Variants in FBN2 observed in about 807,000 individuals in gnomAD.
The protein encoded by FBN2 is fibrillin 2, also known as fibrillin-2.
A neutral mutation model predicts 355.6 loss-of-function variants in FBN2; 105 were observed. That is an observed-to-expected ratio of 0.30 (90% CI 0.25 to 0.35). The LOEUF (loss-of-function observed/expected upper bound fraction) is 0.35, where lower values mean the gene tolerates loss of function less well. Ranked by LOEUF, FBN2 falls within the 10% of genes least tolerant of loss-of-function variation. The pLI is 1.00. For synonymous variants in FBN2, 1,350 were observed against 1,301.2 expected (o/e 1.04, Z -0.81); for missense variants, 3,280 against 3,758.7 (o/e 0.87, Z 3.33).
intron 7 of FBN2, chr5:128,445,936 T>G (rs1288167300): frequency 2.0e-5 from 3 of 152,852 alleles, no homozygotes; most frequent in East Asian, 3.8e-4. Flanking sequence ...TTAGGTTTTT[T>G]GATATCTTTA....
intron 20 of FBN2, among the ~76,000 whole-genome samples, chr5:128,356,584 T>C (rs967245106): frequency 6.6e-6 from 1 of 152,236 alleles, no homozygotes. Context: ...AGGCTAGAAG[T>C]AGGGAAAAAT....
intron 63 of FBN2, 48 bp downstream of exon 63, chr5:128,263,377 T>C: frequency 1.4e-6 from 2 of 1,443,666 alleles, no homozygotes; most frequent in South Asian, 2.3e-5. Context: ...CTGAACTCAC[T>C]CAGGAACCAT....
chr5:128,444,076 T>G (rs1753999177), intron 7 of FBN2, among the ~76,000 whole-genome samples: 1 of 131,294 alleles, frequency 7.6e-6, no homozygotes, highest in Admixed American at 7.5e-5. Flanking sequence ...TTTTTTTTTT[T>G]TTTTTTTGAG....
At position 128,261,600 on chromosome 5, in the gene FBN2, T is replaced by C. The variant is rs143805340; in HGVS notation, c.8364+136A>G. The C allele has an allele frequency of 6.7e-4, 531 of 795,926 alleles. 4 individuals are homozygous for C. The African/African-American group carries it at 7.7e-3, about 11-fold the overall frequency. 49.3% of individuals were successfully genotyped at this position (795,926 alleles called of 1,614,324 possible). On this transcript the variant is annotated intron_variant, in intron 64 of 64. Transcript: ENST00000262464. ...CACTTTAATTTACTTGTCTTTTCCA[T>C]ACTGGGTCCATTAATTTATCCATTA...
At chr5:128,307,501 T>C (rs774445389) in intron 41 of FBN2, among the ~76,000 whole-genome samples, 1 of 152,068 alleles carries the variant, frequency 6.6e-6, no homozygotes, top group Non-Finnish European at 1.5e-5. Flanking sequence ...AAATACTTTT[T>C]CTTTTAATAT....
At chr5:128,404,868 G>A (rs753869432) in intron 8 of FBN2, among the ~76,000 whole-genome samples, 5 of 152,266 alleles carry the variant, frequency 3.3e-5, no homozygotes, top group South Asian at 2.1e-4. Context: ...TAGGTGAAAC[G>A]GCTACAAAGA....
intron 27 of FBN2, 51 bp from the exon 28 acceptor site, chr5:128,336,164 G>A (rs2126898850): frequency 6.3e-7 from 1 of 1,595,310 alleles, no homozygotes; most frequent in Middle Eastern, 1.7e-4. Flanking sequence ...ACTCACTAAA[G>A]CCATCAGAAA....
intron 7 of FBN2, among the ~76,000 whole-genome samples, chr5:128,423,377 A>G (rs1011775206): frequency 5.3e-5 from 8 of 152,114 alleles, no homozygotes; most frequent in Non-Finnish European, 2.9e-5. Context: ...ACAAAGGAGG[A>G]GCAAAGTCAC....
chr5:128,278,952 AGC>A, intron 56 of FBN2, 111 bp from the exon 57 acceptor site: 6 of 838,066 alleles, frequency 7.2e-6, no homozygotes, highest in South Asian at 1.4e-5. Context: ...TAATTAAGAC[AGC>A]TTAATGTCTT....
At chr5:128,308,256 T>C (rs1338985369) in intron 41 of FBN2, among the ~76,000 whole-genome samples, 2 of 152,152 alleles carry the variant, frequency 1.3e-5, no homozygotes, top group Non-Finnish European at 2.9e-5. Context: ...GCCATTTTAA[T>C]TCCCCAAATC....
intron 5 of FBN2, among the ~76,000 whole-genome samples, chr5:128,514,455 T>C (rs553422900): frequency 6.6e-6 from 1 of 152,194 alleles, no homozygotes; most frequent in South Asian, 2.1e-4. Flanking sequence ...ATGACTAGTT[T>C]TTCAATAATT....
At chr5:128,378,656 G>GT in intron 12 of FBN2, 115 bp downstream of exon 12, 1 of 1,127,924 alleles carries the variant, frequency 8.9e-7, no homozygotes, top group Non-Finnish European at 1.3e-6. Context: ...AAATAAATCT[G>GT]TAATAATGTA....
intron 34 of FBN2, among the ~76,000 whole-genome samples, chr5:128,320,677 C>A (rs1750344341): frequency 6.6e-6 from 1 of 152,048 alleles, no homozygotes; most frequent in Admixed American, 6.6e-5. Context: ...AACAATTACT[C>A]AAAAATGTTT....
At chr5:128,371,456 CTCCT>C (rs58112302) in intron 15 of FBN2, among the ~76,000 whole-genome samples, 33,254 of 146,782 alleles carry the variant, frequency 0.23, 4,381 homozygotes, top group African/African-American at 0.35. Context: ...TTCTCTTTTT[CTCCT>C]TCCTTCCTTC....
At chr5:128,374,992 T>C (rs1274505140) in intron 14 of FBN2, among the ~76,000 whole-genome samples, 1 of 152,192 alleles carries the variant, frequency 6.6e-6, no homozygotes, top group East Asian at 1.9e-4. Context: ...CATTATTTAT[T>C]TGACAATCCC....
chr5:128,513,510 C>G (rs1756189781), intron 5 of FBN2, among the ~76,000 whole-genome samples: 1 of 152,106 alleles, frequency 6.6e-6, no homozygotes, highest in East Asian at 1.9e-4. Context: ...GTAGATAAAC[C>G]AAAATCAAAG....
intron 55 of FBN2, among the ~76,000 whole-genome samples, chr5:128,285,915 G>C (rs1749134636): frequency 6.6e-6 from 1 of 152,110 alleles, no homozygotes; most frequent in Non-Finnish European, 1.5e-5. Flanking sequence ...TACATACATT[G>C]TTTTCATTCA....
intron 16 of FBN2, among the ~76,000 whole-genome samples, chr5:128,367,790 T>C (rs1751812002): frequency 1.3e-5 from 2 of 152,160 alleles, no homozygotes; most frequent in African/African-American, 2.4e-5. Context: ...TCTAGTCTTA[T>C]GCCAATTTTT....
intron 62 of FBN2, among the ~76,000 whole-genome samples, chr5:128,265,793 T>C (rs1765101007): frequency 6.6e-6 from 1 of 152,250 alleles, no homozygotes; most frequent in South Asian, 2.1e-4. Flanking sequence ...ACTGAAAGCT[T>C]TTTTCAATAT....
Sources: allele counts gnomAD v4.1 joint callset (sites outside exome capture counted in the v4.1 genomes callset), GRCh38; gene constraint gnomAD v4.1.1; transcripts MANE v1.5; gene names NCBI Gene and HGNC (gene_info 2026-07-23, HGNC 2026-07-21).